The following PIBF1 variants were observed in gnomAD, a reference collection of about 807,000 sequenced individuals.
The protein encoded by PIBF1 is progesterone immunomodulatory binding factor 1, also known as progesterone-induced-blocking factor 1.
Under a neutral mutation model 112.5 loss-of-function variants are expected in PIBF1, and 90 were observed. The observed-to-expected ratio is 0.80, with a 90% CI of 0.67 to 0.95. The LOEUF (loss-of-function observed/expected upper bound fraction) is 0.95. PIBF1 is among the 40% of genes least tolerant of loss of function. PIBF1 has a pLI of 0.00. For missense variants in PIBF1, 915 were observed against 852.3 expected (o/e 1.07, Z -0.92); for synonymous variants, 301 against 288.6 (o/e 1.04, Z -0.44).
chr13:72,811,002 G>A (rs549879201), intron 5 of PIBF1, among the ~76,000 whole-genome samples: 1 of 152,020 alleles, frequency 6.6e-6, no homozygotes, highest in Non-Finnish European at 1.5e-5. Flanking sequence ...GACTACAGGT[G>A]CACGCTGCCA....
At chr13:72,938,685 C>T (rs2041935972) in intron 14 of PIBF1, among the ~76,000 whole-genome samples, 1 of 152,238 alleles carries the variant, frequency 6.6e-6, no homozygotes, top group South Asian at 2.1e-4. Flanking sequence ...TTTCAATTCT[C>T]GTTAAGTGGA....
rs539900735 is a variant in PIBF1 at position 72,807,065 on chromosome 13, A to G, written c.672+9039A>G. 1.6e-4 allele frequency among the ~76,000 whole-genome samples: 24 copies of G among 152,040 alleles called. 1 individual carries two copies. The highest frequency in any genetic ancestry group is 4.2e-4 in the South Asian group (2 of 4,816). ...CATTTGCTTTATCCATTCATCTATA[A>G]ATAGATACCTGAATTGCTTCTACCT... is the stretch of plus-strand genomic sequence containing the variant. On this transcript the variant is annotated intron_variant, in intron 5 of 17. Transcript: ENST00000326291.
At chr13:72,790,429 A>T (rs1337937677) in intron 2 of PIBF1, among the ~76,000 whole-genome samples, 2 of 75,570 alleles carry the variant, frequency 2.6e-5, no homozygotes, top group Admixed American at 2.1e-4. Flanking sequence ...CATCACACAC[A>T]CACACACACA....
intron 15 of PIBF1, among the ~76,000 whole-genome samples, chr13:72,972,000 T>TTGCTTTTA (rs2042903886): frequency 7.2e-6 from 1 of 138,872 alleles, no homozygotes; most frequent in African/African-American, 2.7e-5. Flanking sequence ...GATTAGTGGC[T>TTGCTTTTA]TTCATTTATT....
intron 17 of PIBF1, among the ~76,000 whole-genome samples, chr13:73,001,582 C>CGTTTTTTT: frequency 3.4e-5 from 1 of 29,160 alleles, no homozygotes; most frequent in Non-Finnish European, 7.5e-5. Context: ...AAGAGCTTGA[C>CGTTTTTTT]TTTTTTTTTT....
intron 5 of PIBF1, among the ~76,000 whole-genome samples, chr13:72,812,430 TA>T (rs1377373336): frequency 6.6e-6 from 1 of 151,924 alleles, no homozygotes; most frequent in Admixed American, 6.6e-5. Context: ...GATCACAGTT[TA>T]AAAAAACAGT....
intron 14 of PIBF1, among the ~76,000 whole-genome samples, chr13:72,959,584 A>G (rs575202480): frequency 2.0e-5 from 3 of 152,340 alleles, no homozygotes; most frequent in East Asian, 1.9e-4. Flanking sequence ...CTGTGAAAGT[A>G]AACTCCCCAA....
At chr13:72,931,096 A>G in intron 13 of PIBF1, 69 bp from the exon 14 acceptor site, 1 of 871,838 alleles carries the variant, frequency 1.1e-6, no homozygotes, top group Non-Finnish European at 1.9e-6. Flanking sequence ...TCAAGTACAC[A>G]AACACATTTT....
Position 72,792,467 on chromosome 13 carries a change from A to G in PIBF1, c.273A>G (p.Lys91=). 1.3e-6 allele frequency: 2 copies of G among 1,566,958 alleles called. No homozygotes were observed. The highest frequency in any genetic ancestry group is 2.0e-5 in the Admixed American group (1 of 50,552). The change falls in exon 3 of 18, where the codon AAA becomes AAG. Residue 91 remains lysine (K), a synonymous_variant. Transcript: ENST00000326291. The stretch of plus-strand genomic sequence containing the variant: ...CGAAGATTGAAGAATTGGAGGAGAA[A>G]CTTAATGATGCACTTCACCAGAAGC... The part of the protein sequence containing the change: ...YLTKIEELEE[K]LNDALHQKQL...
intron 5 of PIBF1, among the ~76,000 whole-genome samples, chr13:72,817,256 A>G (rs1430538943): frequency 1.3e-5 from 2 of 152,156 alleles, no homozygotes; most frequent in Non-Finnish European, 2.9e-5. Context: ...AGTTTACATC[A>G]TGGGAGAGAC....
At chr13:72,936,820 T>G (rs2041883409) in intron 14 of PIBF1, among the ~76,000 whole-genome samples, 1 of 152,162 alleles carries the variant, frequency 6.6e-6, no homozygotes, top group South Asian at 2.1e-4. Flanking sequence ...TTTCAAAAAC[T>G]AGCTGTGATT....
intron 2 of PIBF1, among the ~76,000 whole-genome samples, chr13:72,785,867 T>C (rs991980628): frequency 6.6e-6 from 1 of 152,220 alleles, no homozygotes; most frequent in Non-Finnish European, 1.5e-5. Context: ...TCAACTTGCA[T>C]TGTCCTTGGT....
In PIBF1 at chr13:72,792,536, GA is replaced by G. The variant is rs1345985247; in HGVS notation, c.345del (p.Asp116MetfsTer8). The G allele has an allele frequency of 6.6e-7, 1 of 1,511,368 alleles. No homozygotes were observed. Among genetic ancestry groups the G allele is most frequent in the Non-Finnish European group, 8.9e-7 (1 of 1,124,852 alleles). 93.6% of individuals were successfully genotyped at this position (1,511,368 alleles called of 1,614,324 possible). A position where few individuals can be genotyped will look rare whatever the true frequency, so the allele number is the denominator to read the frequency against. On this transcript the variant is annotated frameshift_variant, in exon 3 of 18. Coordinates refer to ENST00000326291, the MANE Select transcript of PIBF1 (RefSeq NM_006346.4). LOFTEE classifies it high-confidence loss of function. ...RLDNQLAFQQ[K>X]DASKYQELMK... The stretch of plus-strand genomic sequence containing the variant: ...TAGACAACCAATTGGCTTTTCAACA[GA>G]AAGATGCCAGGTAAGAAAAGTTTTT...
At chr13:73,009,948 T>G (rs1276130266) in intron 17 of PIBF1, among the ~76,000 whole-genome samples, 2 of 152,198 alleles carry the variant, frequency 1.3e-5, no homozygotes, top group Admixed American at 1.3e-4. Context: ...AGATTCCTTT[T>G]TAATGCCAAA....
chr13:72,791,037 T>G lies in PIBF1; in HGVS notation c.253-1410T>G, dbSNP rs139112711. On this transcript the variant is annotated intron_variant, in intron 2 of 17. Coordinates refer to ENST00000326291, the MANE Select transcript of PIBF1 (RefSeq NM_006346.4). ...TGGATTGGCTGTGAAATTCATGTATTTTTGTTTGTTTGTTTGTTTGTTTGT... is the reference window on the plus strand; with the variant it reads ...TGGATTGGCTGTGAAATTCATGTATGTTTGTTTGTTTGTTTGTTTGTTTGT... 9.8e-3 allele frequency among the ~76,000 whole-genome samples: 1,467 copies of G among 149,852 alleles called. 13 individuals are homozygous for G. Among genetic ancestry groups the G allele is most frequent in the Middle Eastern group, 0.024 (7 of 288 alleles).
intron 14 of PIBF1, among the ~76,000 whole-genome samples, chr13:72,944,223 G>A (rs1050599889): frequency 6.6e-6 from 1 of 152,086 alleles, no homozygotes; most frequent in Non-Finnish European, 1.5e-5. Flanking sequence ...GAGGCGGGGT[G>A]ATCACCTGAG....
rs1555316946 is a variant in PIBF1, at chr13:72,928,004, T to TACAC, written c.1731-3158_1731-3157insCACA. On this transcript the variant is annotated intron_variant, in intron 13 of 17. Transcript: ENST00000326291. The stretch of plus-strand genomic sequence containing the variant: ...ATATATATATACACACACATATATA[T>TACAC]ACATATATATACATATATATACATA... Among the ~76,000 whole-genome samples the TACAC allele has an allele frequency of 3.7e-3, 149 of 40,358 alleles. 2 individuals carry two copies. The East Asian group carries it at 0.068, about 18-fold the overall frequency. 26.5% of individuals were successfully genotyped at this position (40,358 alleles called of 152,430 possible). A position where few individuals can be genotyped will look rare whatever the true frequency, so the allele number is the denominator to read the frequency against.
chr13:72,819,663 T>A (rs1318756959), intron 5 of PIBF1, among the ~76,000 whole-genome samples: 1 of 152,090 alleles, frequency 6.6e-6, no homozygotes, highest in Non-Finnish European at 1.5e-5. Flanking sequence ...GATCCCATCA[T>A]AAGTGTTAAG....
chr13:72,822,550 G>A, intron 6 of PIBF1, among the ~76,000 whole-genome samples: 1 of 151,988 alleles, frequency 6.6e-6, no homozygotes. Flanking sequence ...TGCTAATACG[G>A]ATAACTGCAC....
Sources: allele counts gnomAD v4.1 joint callset (sites outside exome capture counted in the v4.1 genomes callset), GRCh38; gene constraint gnomAD v4.1.1; transcripts MANE v1.5; gene names NCBI Gene and HGNC (gene_info 2026-07-23, HGNC 2026-07-21).